Variants in THBS4 observed in about 807,000 individuals in gnomAD.
THBS4 encodes thrombospondin 4.
A neutral mutation model predicts 115.7 loss-of-function variants in THBS4; 90 were observed. That is an observed-to-expected ratio of 0.78 (90% CI 0.66 to 0.93). The LOEUF is 0.93. Ranked by LOEUF, THBS4 falls within the 40% of genes least tolerant of loss-of-function variation. THBS4 has a pLI of 0.00. For synonymous variants in THBS4, 460 were observed against 479.3 expected, an observed-to-expected ratio of 0.96 and a Z score of 0.53; for missense variants, 1,087 against 1,232.7, an observed-to-expected ratio of 0.88 and a Z score of 1.77.
At chr5:80,069,822 T>C (rs1428014646) in intron 10 of THBS4, among the ~76,000 whole-genome samples, 1 of 152,180 alleles carries the variant, frequency 6.6e-6, no homozygotes, top group African/African-American at 2.4e-5. Context: ...GCACAGATGA[T>C]TGAGAATAAG....
At chr5:80,076,762 A>G (rs1743237099) in intron 15 of THBS4, 93 bp from the exon 16 acceptor site, 1 of 1,304,768 alleles carries the variant, frequency 7.7e-7, no homozygotes, top group East Asian at 2.7e-5. Flanking sequence ...CTGGTTTAAA[A>G]AAAACCTCAA....
chr5:80,056,090 G>A (rs2112086157), intron 3 of THBS4, 58 bp downstream of exon 3: 1 of 1,518,686 alleles, frequency 6.6e-7, no homozygotes, highest in Admixed American at 2.2e-5. Context: ...TGCCTAGGGA[G>A]TGCAGAGGAG....
chr5:80,061,431 A>G (rs1833630551), intron 7 of THBS4, among the ~76,000 whole-genome samples: 1 of 152,230 alleles, frequency 6.6e-6, no homozygotes, highest in Admixed American at 6.5e-5. Context: ...TATTACATTG[A>G]GAGGTAGGCT....
Position 80,055,957 on chromosome 5 carries a change from T to C in THBS4, c.465T>C (p.Asn155=), listed in dbSNP as rs1833415164. The change falls in exon 3 of 22, where the codon AAT becomes AAC. Residue 155 remains asparagine (N), a synonymous_variant. Transcript: ENST00000350881. ...GCATCCAGGTGGATTCCGTTCACAA[T>C]CTCCCCAGGGCCTTTGCTGGCCCCT... ...LDCIQVDSVH[N]LPRAFAGPSQ... 1 of 1,614,122 alleles carries C rather than the reference T, an allele frequency of 6.2e-7. No individual in the cohort carries two copies. Among genetic ancestry groups the C allele is most frequent in the South Asian group, 1.1e-5 (1 of 91,082 alleles).
At chr5:80,033,657 C>T (rs1439063029), upstream of THBS4, among the ~76,000 whole-genome samples, 1 of 152,208 alleles carries the variant, frequency 6.6e-6, no homozygotes, top group South Asian at 2.1e-4. Flanking sequence ...AGCACCAGAT[C>T]TGAGAGGAAA....
intron 4 of THBS4, 134 bp from the exon 5 acceptor site, chr5:80,058,574 C>G: frequency 1.3e-6 from 1 of 784,384 alleles, no homozygotes; most frequent in Non-Finnish European, 2.2e-6. Flanking sequence ...AGAAATTACC[C>G]CAAATTAAAT....
rs1416378435 is a variant in THBS4, at chr5:80,055,830, T to A, written c.338T>A (p.Val113Asp). Residue 113 changes from valine (V) to aspartate (D), a missense_variant, in exon 3 of 22, where the codon GTT becomes GAT. Physicochemically the swap from Val to Asp is radical, Grantham distance 152. Around this residue, in one of 3 missense-constraint regions of THBS4, gnomAD observed 979 missense variants for 1,103.7 expected, o/e 0.89. Transcript: ENST00000350881. ...AACGATGGGAAGGTGCATTTGGTGG[T>A]TTTCAACAACCTGCAGCTGGCAGAC... ...LKNDGKVHLV[V>D]FNNLQLADGR... 1.2e-6 allele frequency: 2 copies of A among 1,613,978 alleles called. No homozygotes were observed. Among genetic ancestry groups the A allele is most frequent in the South Asian group, 1.1e-5 (1 of 91,080 alleles).
chr5:80,041,644 G>T (rs572709496), intron 2 of THBS4, among the ~76,000 whole-genome samples: 17 of 152,314 alleles, frequency 1.1e-4, no homozygotes, highest in African/African-American at 4.1e-4. Context: ...TGTTGCCGTA[G>T]TGAGTTACTA....
At chr5:80,032,883 T>G (rs1369563673), upstream of THBS4, among the ~76,000 whole-genome samples, 1 of 152,200 alleles carries the variant, frequency 6.6e-6, no homozygotes, top group Admixed American at 6.5e-5. Flanking sequence ...AGCCATACTT[T>G]ACATCCTTCA....
chr5:80,031,286 G>A (rs2434315), upstream of THBS4, among the ~76,000 whole-genome samples: 35,538 of 151,990 alleles, frequency 0.23, 4,593 homozygotes, highest in African/African-American at 0.34. Context: ...CTTTGTGCTA[G>A]TGCCAAGGAA....
At chr5:80,076,714 G>T in intron 15 of THBS4, 141 bp from the exon 16 acceptor site, 1 of 778,446 alleles carries the variant, frequency 1.3e-6, no homozygotes. Context: ...CCTTATCTAA[G>T]GGAATGACCC....
intron 2 of THBS4, 134 bp from the exon 3 acceptor site, chr5:80,055,651 C>CA: frequency 2.3e-6 from 3 of 1,279,550 alleles, no homozygotes; most frequent in Non-Finnish European, 3.2e-6. Flanking sequence ...ATTTCTCACT[C>CA]ACATTCCGTC....
rs570358456 is a variant in THBS4 at position 80,055,670 on chromosome 5, C to T, written c.293-115C>T. The T allele has an allele frequency of 4.3e-6, 6 of 1,405,672 alleles. 1 individual carries two copies. The South Asian group carries it at 6.9e-5, about 16-fold the overall frequency. 87.1% of individuals were successfully genotyped at this position (1,405,672 alleles called of 1,614,324 possible). On this transcript the variant is annotated intron_variant, in intron 2 of 21. Transcript: ENST00000350881. ...CTCACTCACATTCCGTCCAGCAACC[C>T]AGTCTTGTTACCAGGAGGCTGTTCA...
intron 2 of THBS4, among the ~76,000 whole-genome samples, chr5:80,011,140 T>G (rs1832116946): frequency 6.6e-6 from 1 of 152,204 alleles, no homozygotes; most frequent in Non-Finnish European, 1.5e-5. Context: ...AGGGGGAATT[T>G]CCCTGCACAC....
At chr5:80,062,776 C>T (rs1580966072) in intron 8 of THBS4, among the ~76,000 whole-genome samples, 2 of 152,122 alleles carry the variant, frequency 1.3e-5, no homozygotes, top group African/African-American at 4.8e-5. Flanking sequence ...AGAGTGAGAA[C>T]ATGCGGTGTT....
At chr5:80,021,385 A>G (rs1363043761) in intron 2 of THBS4, among the ~76,000 whole-genome samples, 3 of 152,170 alleles carry the variant, frequency 2.0e-5, no homozygotes, top group African/African-American at 7.2e-5. Context: ...AAATTTTTTC[A>G]TTTTGAAAAA....
intron 10 of THBS4, 130 bp downstream of exon 10, chr5:80,068,255 T>C: frequency 8.5e-7 from 1 of 1,170,432 alleles, no homozygotes; most frequent in Non-Finnish European, 1.2e-6. Flanking sequence ...GAGCATGGAG[T>C]GTAATAGGAA....
chr5:80,061,815 G>C lies in THBS4; in HGVS notation c.1108G>C (p.Ala370Pro). The change falls in exon 8 of 22, where the codon GCC becomes CCC. Residue 370 changes from alanine (A) to proline (P), a missense_variant. Physicochemically the swap from Ala to Pro is conservative, Grantham distance 27 (BLOSUM62 -1). Coordinates refer to ENST00000350881, the MANE Select transcript of THBS4 (RefSeq NM_003248.6). Reference protein sequence around the residue: ...PMVQGVGISFAKSNKQVCTDI... With the variant: ...PMVQGVGISFPKSNKQVCTDI... Reference sequence around the variant, plus strand: ...GGTGCAGGGTGTTGGGATCAGTTTTGCCAAGTCAAACAAGCAGGTAGGCTG... The same window carrying C: ...GGTGCAGGGTGTTGGGATCAGTTTTCCCAAGTCAAACAAGCAGGTAGGCTG... 6.2e-7 allele frequency: 1 copy of C among 1,608,622 alleles called. No individual in the cohort carries two copies. Among genetic ancestry groups the C allele is most frequent in the Non-Finnish European group, 8.5e-7 (1 of 1,177,686 alleles).
At chr5:80,033,945 A>G (rs1832636122), upstream of THBS4, among the ~76,000 whole-genome samples, 1 of 152,204 alleles carries the variant, frequency 6.6e-6, no homozygotes, top group Admixed American at 6.5e-5. Context: ...GTCTTCACAG[A>G]AAATCTTAAT....
Sources: gnomAD v4.1 joint callset for allele counts (sites outside exome capture counted in the v4.1 genomes callset) on GRCh38, gnomAD v4.1.1 for gene constraint, gnomAD v4.1.1 regional missense constraint, MANE v1.5 for transcripts, NCBI Gene and HGNC (gene_info 2026-07-23, HGNC 2026-07-21) for gene names.